ARHGAP20: variants seen among roughly 807,000 people sequenced by gnomAD.
ARHGAP20 encodes the protein Rho GTPase activating protein 20.
In ARHGAP20, 34 loss-of-function variants were observed where a neutral mutation model predicts 73.7. That is an observed-to-expected ratio of 0.46 (90% CI 0.35 to 0.61). The LOEUF is 0.61. ARHGAP20 is among the 20% of genes least tolerant of loss of function. The probability of loss-of-function intolerance (pLI) is 0.00; values close to 1 mark genes in which losing one functional copy is unlikely to be tolerated. For missense variants in ARHGAP20, 1,314 were observed against 1,420.9 expected (o/e 0.92, Z 1.21); for synonymous variants, 523 against 518.2 (o/e 1.01, Z -0.13).
chr11:110,590,510 CT>C (rs1947798822), intron 11 of ARHGAP20, 137 bp downstream of exon 11: 2 of 917,314 alleles, frequency 2.2e-6, no homozygotes, highest in African/African-American at 1.7e-5. Context: ...TTTTATAACA[CT>C]TTTTAGTGTT....
Position 110,577,176 on chromosome 11 carries a change from T to A in ARHGAP20, c.*2194A>T. ...TTCTGCAAGTACAAAAATACACATTTATTACATAACATATGGTAGTAAAAT... is the reference window on the plus strand; with the variant it reads ...TTCTGCAAGTACAAAAATACACATTAATTACATAACATATGGTAGTAAAAT... On this transcript the variant is annotated 3_prime_UTR_variant, in exon 15 of 15. Transcript: ENST00000683387. 1 of 1,533,692 alleles carries A rather than the reference T, an allele frequency of 6.5e-7. No homozygotes were observed. The highest frequency in any genetic ancestry group is 8.7e-7 in the Non-Finnish European group (1 of 1,145,782).
At chr11:110,635,733 A>G (rs1482721991) in intron 2 of ARHGAP20, among the ~76,000 whole-genome samples, 1 of 152,036 alleles carries the variant, frequency 6.6e-6, no homozygotes, top group African/African-American at 2.4e-5. Context: ...TCTATGCTTG[A>G]TATTATAGGT....
At chr11:110,711,587 T>C (rs2305289) in intron 1 of ARHGAP20, 368,927 of 1,473,094 alleles carry the variant, frequency 0.25, 49,122 homozygotes, top group African/African-American at 0.47. Flanking sequence ...CGAAAACTGC[T>C]ATGGAGCAGC....
intron 1 of ARHGAP20, among the ~76,000 whole-genome samples, chr11:110,711,378 C>T (rs1950650830): frequency 1.3e-5 from 2 of 152,122 alleles, no homozygotes; most frequent in South Asian, 4.2e-4. Flanking sequence ...AGAAGGTCCC[C>T]CACCTCAGCC....
chr11:110,625,850 T>C (rs1948732346), intron 3 of ARHGAP20, among the ~76,000 whole-genome samples: 1 of 152,196 alleles, frequency 6.6e-6, no homozygotes, highest in African/African-American at 2.4e-5. Context: ...TACTAAAAGT[T>C]AAAATGAAAT....
chr11:110,581,156 T>A lies in ARHGAP20; in HGVS notation c.1790A>T (p.Asp597Val), dbSNP rs1947456731. 1.2e-6 allele frequency: 2 copies of A among 1,614,088 alleles called. No homozygotes were observed. The highest frequency in any genetic ancestry group is 1.7e-6 in the Non-Finnish European group (2 of 1,180,026). Reference protein sequence around the residue: ...SLENELNEDVDAPCSDLVKKL... With the variant: ...SLENELNEDVVAPCSDLVKKL... ...CTTTACCAAGTCACTGCATGGTGCATCAACATCCTCATTTAGCTCATTTTC... is the reference window on the plus strand; with the variant it reads ...CTTTACCAAGTCACTGCATGGTGCAACAACATCCTCATTTAGCTCATTTTC... The change falls in exon 15 of 15, where the codon GAT (aspartate) becomes GTT (valine). Residue 597 changes from aspartate to valine, a missense_variant. Physicochemically the swap from Asp to Val is radical, Grantham distance 152 (BLOSUM62 -3). Coordinates refer to ENST00000683387, the MANE Select transcript of ARHGAP20 (RefSeq NM_001384657.1).
intron 9 of ARHGAP20, among the ~76,000 whole-genome samples, chr11:110,600,756 C>T (rs560455682): frequency 6.6e-6 from 1 of 152,330 alleles, no homozygotes; most frequent in African/African-American, 2.4e-5. Context: ...GAGGTCAGAA[C>T]TTTGAATGTC....
At chr11:110,712,029 C>G in intron 1 of ARHGAP20, 98 bp downstream of exon 1, 1 of 1,242,830 alleles carries the variant, frequency 8.0e-7, no homozygotes, top group Non-Finnish European at 1.0e-6. Context: ...ATTCCCGCGG[C>G]GTCCGCCTAG....
At position 110,580,312 on chromosome 11, in the gene ARHGAP20, C is replaced by T. The variant is rs756871291; in HGVS notation, c.2634G>A (p.Leu878=). The T allele has an allele frequency of 3.7e-6, 6 of 1,614,238 alleles. No individual in the cohort carries two copies. Among genetic ancestry groups the T allele is most frequent in the Non-Finnish European group, 5.1e-6 (6 of 1,180,030 alleles). Residue 878 remains leucine (L), a synonymous_variant, in exon 15 of 15, where the codon TTG becomes TTA. Coordinates refer to ENST00000683387, the MANE Select transcript of ARHGAP20 (RefSeq NM_001384657.1). ...GTTTGAGATAATCCTCCTCTCCATG[C>T]AAGAGACCAGCTTCACAGCTGGTTT... The part of the protein sequence containing the change: ...QHKTSCEAGL[L]HGEEDYLKRH...
rs1947303606 is a variant in ARHGAP20, at chr11:110,577,177, A to G, written c.*2193T>C. 2.0e-6 allele frequency: 3 copies of G among 1,533,146 alleles called. No homozygotes were observed. The highest frequency in any genetic ancestry group is 1.4e-5 in the African/African-American group (1 of 73,082). The allele number at this position is 1,533,146 out of a possible 1,614,324, so 95.0% of individuals were successfully genotyped here. A position where few individuals can be genotyped will look rare whatever the true frequency, so the allele number is the denominator to read the frequency against. ...TCTGCAAGTACAAAAATACACATTTATTACATAACATATGGTAGTAAAATT... is the reference window on the plus strand; with the variant it reads ...TCTGCAAGTACAAAAATACACATTTGTTACATAACATATGGTAGTAAAATT... On this transcript the variant is annotated 3_prime_UTR_variant, in exon 15 of 15. Coordinates refer to ENST00000683387, the MANE Select transcript of ARHGAP20 (RefSeq NM_001384657.1).
rs1025950489 is a variant in ARHGAP20, at chr11:110,711,745, C to G, written c.105+382G>C. On this transcript the variant is annotated intron_variant, in intron 1 of 14. Transcript: ENST00000683387. ...CCGCCAAAGGGCAGTCAGTGCTCGC[C>G]CAGGCCACTTCGGGAGGCCCAGGGG... The G allele has an allele frequency of 1.2e-5, 16 of 1,364,622 alleles. No homozygotes were observed. The Admixed American group carries it at 5.0e-4, about 42-fold the overall frequency. The allele number at this position is 1,364,622 out of a possible 1,614,324, so 84.5% of individuals were successfully genotyped here.
intron 5 of ARHGAP20, 96 bp downstream of exon 5, chr11:110,615,457 G>A: frequency 8.7e-7 from 1 of 1,147,720 alleles, no homozygotes; most frequent in East Asian, 2.4e-5. Flanking sequence ...TTTCTACTAA[G>A]GAGAAGGGGA....
chr11:110,660,064 A>AAAAAAAAAC (rs1555097591), intron 2 of ARHGAP20, among the ~76,000 whole-genome samples: 14 of 128,824 alleles, frequency 1.1e-4, no homozygotes, highest in African/African-American at 5.1e-4. Flanking sequence ...TAAAAAACAA[A>AAAAAAAAAC]AAAAAAAAAA....
chr11:110,665,637 TC>T (rs1160177478), intron 2 of ARHGAP20, among the ~76,000 whole-genome samples: 1 of 152,066 alleles, frequency 6.6e-6, no homozygotes, highest in Non-Finnish European at 1.5e-5. Flanking sequence ...TAGATAGAAT[TC>T]ACAAAACAGA....
chr11:110,686,260 G>A (rs928113958), intron 2 of ARHGAP20, among the ~76,000 whole-genome samples: 2 of 152,022 alleles, frequency 1.3e-5, no homozygotes, highest in East Asian at 3.9e-4. Context: ...AGACTTTCTT[G>A]AATGTTTATT....
intron 2 of ARHGAP20, among the ~76,000 whole-genome samples, chr11:110,686,361 G>A (rs1565477251): frequency 6.6e-6 from 1 of 152,016 alleles, no homozygotes; most frequent in Non-Finnish European, 1.5e-5. Flanking sequence ...ATTTAAACAT[G>A]AGGGAAAACA....
intron 7 of ARHGAP20, among the ~76,000 whole-genome samples, chr11:110,609,882 A>G (rs1948325642): frequency 6.6e-6 from 1 of 152,088 alleles, no homozygotes; most frequent in Non-Finnish European, 1.5e-5. Flanking sequence ...CATCCCTCCT[A>G]GTCAAAAAAT....
At chr11:110,601,081 T>C (rs369158550) in intron 9 of ARHGAP20, among the ~76,000 whole-genome samples, 1 of 152,224 alleles carries the variant, frequency 6.6e-6, no homozygotes, top group African/African-American at 2.4e-5. Context: ...CAGAAATCAT[T>C]AGATTTTAAC....
intron 13 of ARHGAP20, among the ~76,000 whole-genome samples, chr11:110,583,278 T>C (rs1947523302): frequency 2.0e-5 from 3 of 152,208 alleles, no homozygotes. Context: ...GTCCTTTTTT[T>C]CTTTTCATTT....
Sources: gnomAD v4.1 joint callset for allele counts (sites outside exome capture counted in the v4.1 genomes callset) on GRCh38, gnomAD v4.1.1 for gene constraint, MANE v1.5 for transcripts, NCBI Gene and HGNC (gene_info 2026-07-23, HGNC 2026-07-21) for gene names.